The following MAP4 variants were observed in gnomAD, a reference collection of about 807,000 sequenced individuals.
MAP4 encodes the protein microtubule associated protein 4.
MAP4 carries 76 observed loss-of-function variants against 170.2 expected under a neutral mutation model. That is an observed-to-expected ratio of 0.45 (90% confidence interval 0.37 to 0.54). The LOEUF (loss-of-function observed/expected upper bound fraction) is 0.54, where lower values mean the gene tolerates loss of function less well. MAP4 is among the 20% of genes least tolerant of loss of function. The pLI is 0.00. For synonymous variants in MAP4, 909 were observed against 994.5 expected, an observed-to-expected ratio of 0.91 and a Z score of 1.62; for missense variants, 2,506 against 2,748.0, an observed-to-expected ratio of 0.91 and a Z score of 1.97.
chr3:47,888,005 C>T (rs2097899262), intron 10 of MAP4, among the ~76,000 whole-genome samples: 1 of 151,536 alleles, frequency 6.6e-6, no homozygotes, highest in Admixed American at 6.6e-5. Flanking sequence ...TTTGTAAACA[C>T]ACCAATCAGC....
chr3:47,971,188 C>T (rs1398804408), intron 3 of MAP4, among the ~76,000 whole-genome samples: 2 of 152,166 alleles, frequency 1.3e-5, no homozygotes, highest in Non-Finnish European at 2.9e-5. Context: ...AGAAATAAAA[C>T]TTTGTTCCAG....
At chr3:48,027,939 A>G (rs1307848025) in intron 1 of MAP4, among the ~76,000 whole-genome samples, 1 of 152,212 alleles carries the variant, frequency 6.6e-6, no homozygotes, top group Non-Finnish European at 1.5e-5. Flanking sequence ...ATACCCATTC[A>G]CACAATATCT....
chr3:47,892,879 C>A (rs1050879157), intron 10 of MAP4: 19 of 1,004,166 alleles, frequency 1.9e-5, no homozygotes, highest in Non-Finnish European at 2.3e-5. Flanking sequence ...TACGTGCATA[C>A]CCACACACTC....
chr3:48,063,617 G>T (rs2100137006), intron 1 of MAP4, among the ~76,000 whole-genome samples: 1 of 152,018 alleles, frequency 6.6e-6, no homozygotes, highest in South Asian at 2.1e-4. Flanking sequence ...ATAGGTGAAT[G>T]GATAAGCAAA....
rs763984930 is a variant in MAP4, at chr3:47,909,352, G to C, written c.5069C>G (p.Pro1690Arg). ...TELESVSLPT[P>R]EIQSDFLHSK... is the part of the protein sequence containing the mutation. The stretch of plus-strand genomic sequence containing the variant: ...ATGTAAGAAATCTGACTGGATTTCT[G>C]GTGTTGGCAAGGAAACGCTTTCCAA... The change falls in exon 9 of 21, where the codon CCA becomes CGA. Residue 1690 changes from proline to arginine, a missense_variant. Transcript: ENST00000683076. The C allele has an allele frequency of 3.1e-6, 5 of 1,613,872 alleles. No individual in the cohort carries two copies. The highest frequency in any genetic ancestry group is 4.2e-6 in the Non-Finnish European group (5 of 1,179,834).
At chr3:48,037,003 C>T (rs1231139530) in intron 1 of MAP4, among the ~76,000 whole-genome samples, 1 of 152,204 alleles carries the variant, frequency 6.6e-6, no homozygotes, top group Admixed American at 6.5e-5. Context: ...CTATGAAATG[C>T]ATAAGGCTCT....
intron 10 of MAP4, chr3:47,891,026 T>C (rs2100023626): frequency 6.8e-7 from 1 of 1,469,248 alleles, no homozygotes; most frequent in Admixed American, 2.6e-5. Flanking sequence ...AAACATACCA[T>C]CACGTGGGGG....
intron 3 of MAP4, among the ~76,000 whole-genome samples, chr3:47,929,281 G>C (rs2100047939): frequency 6.6e-6 from 1 of 152,132 alleles, no homozygotes; most frequent in Admixed American, 6.5e-5. Flanking sequence ...CTTGAACCTG[G>C]GAGTGGGAAG....
At chr3:47,968,921 T>A (rs993559021) in intron 3 of MAP4, among the ~76,000 whole-genome samples, 3 of 152,070 alleles carry the variant, frequency 2.0e-5, no homozygotes, top group African/African-American at 7.2e-5. Context: ...ACTATGAATC[T>A]TACAGGAATA....
chr3:47,903,907 C>T (rs1403752619), intron 9 of MAP4, among the ~76,000 whole-genome samples: 3 of 152,158 alleles, frequency 2.0e-5, no homozygotes, highest in Non-Finnish European at 4.4e-5. Flanking sequence ...AGTCAAAAGA[C>T]CTAGATTCTA....
chr3:48,013,248 C>A (rs1163458918), intron 1 of MAP4, among the ~76,000 whole-genome samples: 3 of 151,932 alleles, frequency 2.0e-5, no homozygotes, highest in Admixed American at 6.6e-5. Flanking sequence ...ATTTTCAAAT[C>A]TGGATGTTCA....
intron 1 of MAP4, among the ~76,000 whole-genome samples, chr3:48,025,903 A>AAATAATAATAAT (rs10645414): frequency 0.14 from 20,198 of 140,042 alleles, 1,622 homozygotes; most frequent in Admixed American, 0.16. Context: ...TCTGCCTCAA[A>AAATAATAATAAT]AATAATAATA....
intron 17 of MAP4, among the ~76,000 whole-genome samples, chr3:47,858,883 C>G (rs2061113084): frequency 6.6e-6 from 1 of 152,116 alleles, no homozygotes; most frequent in Non-Finnish European, 1.5e-5. Flanking sequence ...AATCCCAGCA[C>G]TTTGGGAGGC....
rs776054148 is a variant in MAP4 at position 47,914,786 on chromosome 3, T to A, written c.1999+31A>T. The A allele has an allele frequency of 2.5e-6, 4 of 1,613,762 alleles. No individual in the cohort carries two copies. In the African/African-American group the frequency reaches 4.0e-5, roughly 16 times the overall value. ...ACTACTCTATCGCCCCTAATTTGTTTCAAAGAGTTCATTTTGTTTTCCTAA... is the reference window on the plus strand; with the variant it reads ...ACTACTCTATCGCCCCTAATTTGTTACAAAGAGTTCATTTTGTTTTCCTAA... On this transcript the variant is annotated intron_variant, in intron 8 of 20. Coordinates refer to ENST00000683076, the MANE Select transcript of MAP4 (RefSeq NM_001385682.1).
At position 48,088,239 on chromosome 3, in the gene MAP4, A is replaced by G. The variant is rs529121604; in HGVS notation, c.-20+534T>C. On this transcript the variant is annotated intron_variant, in intron 1 of 18. Transcript: ENST00000360240. ...CAGACACACGCTTTAGTCCCCACAC[A>G]GTGTCGGGGCCTTTGCAAGGGGGAA... Among the ~76,000 whole-genome samples the G allele has an allele frequency of 1.6e-4, 22 of 137,432 alleles. No homozygotes were observed. In the South Asian group the frequency reaches 5.0e-3, roughly 32 times the overall value. 90.2% of individuals were successfully genotyped at this position (137,432 alleles called of 152,430 possible).
At chr3:47,928,423 A>G (rs778474375) in intron 3 of MAP4, 73 bp from the exon 4 acceptor site, 4 of 1,445,408 alleles carry the variant, frequency 2.8e-6, no homozygotes, top group South Asian at 2.3e-5. Context: ...GAATTTCTAC[A>G]AAGTATTACA....
chr3:47,996,510 A>T (rs1016547865), intron 2 of MAP4, among the ~76,000 whole-genome samples: 1 of 152,172 alleles, frequency 6.6e-6, no homozygotes, highest in African/African-American at 2.4e-5. Context: ...GAGCAAGCAC[A>T]TTAAAGAAAT....
intron 1 of MAP4, 29 bp from the exon 2 acceptor site, chr3:47,998,908 T>C (rs766011201): frequency 5.6e-5 from 69 of 1,237,586 alleles, no homozygotes; most frequent in Non-Finnish European, 8.2e-5. Flanking sequence ...ATCTTTCATG[T>C]AACGAGCACT....
intron 10 of MAP4, among the ~76,000 whole-genome samples, chr3:47,897,761 AC>A (rs2100027710): frequency 6.6e-6 from 1 of 151,396 alleles, no homozygotes; most frequent in African/African-American, 2.4e-5. Context: ...ACATGGTGAA[AC>A]CCTGTCTCCA....
Sources: gnomAD v4.1 joint callset for allele counts (sites outside exome capture counted in the v4.1 genomes callset) on GRCh38, gnomAD v4.1.1 for gene constraint, MANE v1.5 for transcripts, NCBI Gene and HGNC (gene_info 2026-07-23, HGNC 2026-07-21) for gene names.